The following GML variants were observed in gnomAD, a reference collection of about 807,000 sequenced individuals.
GML encodes glycosylphosphatidylinositol anchored molecule like.
GML carries 5 observed loss-of-function variants against 8.2 expected under a neutral mutation model. The ratio of observed to expected loss-of-function variants is 0.61; its 90% CI spans 0.32 to 1.28. The LOEUF (loss-of-function observed/expected upper bound fraction) is 1.28. Ranked by LOEUF, GML falls within the 50% of genes most tolerant of loss-of-function variation. The probability of loss-of-function intolerance (pLI) is 0.06; values close to 1 mark genes in which losing one functional copy is unlikely to be tolerated. For missense variants in GML, 191 were observed against 198.3 expected, an observed-to-expected ratio of 0.96 and a Z score of 0.22; for synonymous variants, 72 against 69.0, an observed-to-expected ratio of 1.04 and a Z score of -0.22.
At chr8:142,845,299 A>G (rs778275699) in intron 3 of GML, among the ~76,000 whole-genome samples, 1 of 152,234 alleles carries the variant, frequency 6.6e-6, no homozygotes, top group Non-Finnish European at 1.5e-5. Context: ...GCATGGAGGA[A>G]CAGAGTGAAG....
intron 3 of GML, among the ~76,000 whole-genome samples, chr8:142,841,432 G>T (rs1347006172): frequency 1.3e-5 from 2 of 152,156 alleles, no homozygotes; most frequent in Non-Finnish European, 2.9e-5. Context: ...CAGGTACTCT[G>T]CAAAGTAGTA....
At chr8:142,840,810 A>T (rs1047447445) in intron 2 of GML, among the ~76,000 whole-genome samples, 4 of 152,128 alleles carry the variant, frequency 2.6e-5, no homozygotes, top group African/African-American at 9.7e-5. Context: ...GACCCCTGTG[A>T]GTATCCAGTC....
At chr8:142,838,522 T>C (rs1586543012) in intron 1 of GML, among the ~76,000 whole-genome samples, 2 of 152,230 alleles carry the variant, frequency 1.3e-5, no homozygotes, top group Middle Eastern at 6.8e-3. Flanking sequence ...CTGGGGTTTA[T>C]GATCACACAG....
At chr8:142,836,375 A>G (rs1816341658) in intron 1 of GML, among the ~76,000 whole-genome samples, 1 of 152,242 alleles carries the variant, frequency 6.6e-6, no homozygotes, top group African/African-American at 2.4e-5. Context: ...ATGGTGGTGT[A>G]GAAATAATTC....
chr8:142,835,940 C>T (rs1816333502), intron 1 of GML, among the ~76,000 whole-genome samples: 1 of 152,172 alleles, frequency 6.6e-6, no homozygotes, highest in Non-Finnish European at 1.5e-5. Flanking sequence ...CTCAATATTT[C>T]TTGTAGTGGG....
intron 1 of GML, among the ~76,000 whole-genome samples, chr8:142,839,996 G>A (rs1386392329): frequency 1.3e-5 from 2 of 151,358 alleles, no homozygotes; most frequent in Non-Finnish European, 3.0e-5. Context: ...GCTGAGCTGT[G>A]TGTGGGAGCG....
chr8:142,841,635 C>T (rs1816435724), intron 3 of GML, among the ~76,000 whole-genome samples: 1 of 152,160 alleles, frequency 6.6e-6, no homozygotes. Flanking sequence ...CCATGGACTC[C>T]CCCCAGGGAA....
At position 142,835,341 on chromosome 8, in the gene GML, G is replaced by C. The variant is rs372070255; in HGVS notation, c.-23+473G>C. On this transcript the variant is annotated intron_variant, in intron 1 of 3. Coordinates refer to ENST00000220940, the MANE Select transcript of GML (RefSeq NM_002066.3). ...GAGTCTGGGGCTGGGGCTCCGTTCA[G>C]TTCTTGAGTCCCCTTCCCTCGGGGT... 1.6e-4 allele frequency among the ~76,000 whole-genome samples: 25 copies of C among 152,246 alleles called. No homozygotes were observed. In the East Asian group the frequency reaches 4.3e-3, roughly 26 times the overall value.
intron 1 of GML, among the ~76,000 whole-genome samples, chr8:142,836,732 T>A (rs2130212004): frequency 6.6e-6 from 1 of 152,308 alleles, no homozygotes; most frequent in South Asian, 2.1e-4. Flanking sequence ...CCTGGACTAC[T>A]GGCTTGCTCA....
chr8:142,843,546 C>T (rs957152710), intron 3 of GML, among the ~76,000 whole-genome samples: 1 of 152,106 alleles, frequency 6.6e-6, no homozygotes, highest in Non-Finnish European at 1.5e-5. Flanking sequence ...TATTAAGTCT[C>T]ATGGAGAGGA....
chr8:142,844,046 A>G (rs1233060241), intron 3 of GML, among the ~76,000 whole-genome samples: 1 of 149,702 alleles, frequency 6.7e-6, no homozygotes, highest in Non-Finnish European at 1.5e-5. Context: ...GAAAAAGAAA[A>G]AAGCTCGAGG....
intron 2 of GML, 80 bp downstream of exon 2, chr8:142,840,590 G>A: frequency 2.0e-6 from 2 of 978,170 alleles, no homozygotes; most frequent in Non-Finnish European, 3.3e-6. Context: ...ATGATTGGCT[G>A]CAACGTGGAG....
intron 3 of GML, among the ~76,000 whole-genome samples, chr8:142,842,343 C>T (rs985510848): frequency 3.3e-5 from 5 of 152,198 alleles, no homozygotes; most frequent in African/African-American, 1.2e-4. Context: ...GACTCATACA[C>T]ACCTCTTCTT....
chr8:142,844,418 A>T (rs1816478664), intron 3 of GML, among the ~76,000 whole-genome samples: 1 of 152,210 alleles, frequency 6.6e-6, no homozygotes, highest in East Asian at 1.9e-4. Context: ...AATCGAACAA[A>T]ATAGTGCTAG....
chr8:142,842,323 C>T (rs372982674), intron 3 of GML, among the ~76,000 whole-genome samples: 7 of 152,266 alleles, frequency 4.6e-5, no homozygotes, highest in Non-Finnish European at 5.9e-5. Context: ...TTTATAGCAG[C>T]GTGAGAAGAG....
rs1816412556 is a variant in GML at position 142,840,441 on chromosome 8, C to T, written c.4C>T (p.Leu2Phe). The change falls in exon 2 of 4, where the codon CTC (leucine) becomes TTC (phenylalanine). Residue 2 changes from leucine (L) to phenylalanine (F), a missense_variant. Leu to Phe is a conservative substitution (Grantham distance 22, BLOSUM62 0). Transcript: ENST00000220940. ...GTCCAGGCTCCTGCGTGAAGTGATG[C>T]TCCTCTTTGCCTTACTCCTAGCCAT... M[L>F]LFALLLAMEL... is the part of the protein sequence containing the mutation. 1 of 1,612,744 alleles carries T rather than the reference C, an allele frequency of 6.2e-7. No homozygotes were observed. The highest frequency in any genetic ancestry group is 8.5e-7 in the Non-Finnish European group (1 of 1,178,854).
intron 3 of GML, among the ~76,000 whole-genome samples, chr8:142,842,726 T>C (rs1816450454): frequency 6.6e-6 from 1 of 152,244 alleles, no homozygotes; most frequent in African/African-American, 2.4e-5. Flanking sequence ...GCCACTGGCC[T>C]GCCTAGGTGA....
chr8:142,834,928 A>C (rs893727664), intron 1 of GML, 60 bp downstream of exon 1: 2 of 96,730 alleles, frequency 2.1e-5, no homozygotes, highest in Non-Finnish European at 4.2e-5. Context: ...CCAGGGGCCC[A>C]GCTGAGGCAG....
chr8:142,841,567 T>G (rs1221597332), intron 3 of GML, among the ~76,000 whole-genome samples: 1 of 152,154 alleles, frequency 6.6e-6, no homozygotes, highest in African/African-American at 2.4e-5. Flanking sequence ...CACTGGCCAT[T>G]CAATTTCTGG....
Sources: allele counts gnomAD v4.1 joint callset (sites outside exome capture counted in the v4.1 genomes callset), GRCh38; gene constraint gnomAD v4.1.1; transcripts MANE v1.5; gene names NCBI Gene and HGNC (gene_info 2026-07-23, HGNC 2026-07-21).